MTMR8: variants seen among roughly 807,000 people sequenced by gnomAD.
MTMR8 encodes the protein myotubularin related protein 8, also known as phosphatidylinositol-3,5-bisphosphate 3-phosphatase MTMR8.
In MTMR8, 65 loss-of-function variants were observed where a neutral mutation model predicts 39.3. The observed-to-expected ratio is 1.65, with a 90% CI of 1.35 to 2.03. The LOEUF is 2.03. Among genes scored for constraint, MTMR8 ranks in the 30% most tolerant of loss-of-function variants. The pLI is 0.00. For missense variants in MTMR8, 777 were observed against 538.9 expected, an observed-to-expected ratio of 1.44 and a Z score of -4.37; for synonymous variants, 245 against 185.2, an observed-to-expected ratio of 1.32 and a Z score of -2.62.
chrX:64,384,191 G>T (rs1257149514), intron 1 of MTMR8, among the ~76,000 whole-genome samples: 1 of 111,914 alleles, frequency 8.9e-6, no homozygotes, highest in Non-Finnish European at 1.9e-5. Context: ...CCCACATCCA[G>T]GGCACACTGC....
chrX:64,338,928 G>A (rs1025192839), intron 8 of MTMR8, among the ~76,000 whole-genome samples: 2 of 111,803 alleles, frequency 1.8e-5, no homozygotes, highest in Non-Finnish European at 3.8e-5. Flanking sequence ...GGATGGTAGT[G>A]CCATTAGACT....
chrX:64,354,413 C>T (rs1321876444), intron 4 of MTMR8, among the ~76,000 whole-genome samples: 1 of 111,288 alleles, frequency 9.0e-6, no homozygotes, highest in Non-Finnish European at 1.9e-5. Flanking sequence ...AAAAATATCA[C>T]ATGTACCCTA....
At chrX:64,359,263 A>C in intron 2 of MTMR8, 142 bp downstream of exon 2, 1 of 547,195 alleles carries the variant, frequency 1.8e-6, no homozygotes, top group South Asian at 7.6e-5. Context: ...CAGACCATAA[A>C]AAGATTATTA....
At position 64,316,140 on chromosome X, in the gene MTMR8, C is replaced by T. The variant is rs971714053; in HGVS notation, c.1481+12632G>A. ...TGCTTCCACTGTCATACATTTGAGA[C>T]AATTCAAGAGGAGATGAAAAGTCTA... is the stretch of plus-strand genomic sequence containing the variant. On this transcript the variant is annotated intron_variant, in intron 12 of 13. Coordinates refer to ENST00000374852, the MANE Select transcript of MTMR8 (RefSeq NM_017677.4). 1.8e-5 allele frequency among the ~76,000 whole-genome samples: 2 copies of T among 111,802 alleles called. 1 individual carries two copies. The highest frequency in any genetic ancestry group is 3.8e-5 in the Non-Finnish European group (2 of 53,204).
rs779934277 is a variant in MTMR8 at position 64,270,981 on chromosome X, GCT to G, written c.1572_1573del (p.Arg524SerfsTer9). The G allele has an allele frequency of 2.5e-6, 3 of 1,209,944 alleles. No homozygotes were observed. Among genetic ancestry groups the G allele is most frequent in the Non-Finnish European group, 3.4e-6 (3 of 894,677 alleles). Reference sequence around the variant, plus strand: ...TTCATGCACATCTGTCTCCAGCATTGCTCTCTGTTTCTTAATTTCCAGGAGGC... The same window carrying G: ...TTCATGCACATCTGTCTCCAGCATTGCTCTGTTTCTTAATTTCCAGGAGGC... On this transcript the variant is annotated frameshift_variant, in exon 13 of 14. Coordinates refer to ENST00000374852, the MANE Select transcript of MTMR8 (RefSeq NM_017677.4). LOFTEE classifies it low-confidence loss of function (END_TRUNC).
In MTMR8 at chrX:64,328,781, TA is replaced by T; in HGVS notation, c.1471del (p.Tyr491ThrfsTer24). On this transcript the variant is annotated frameshift_variant, in exon 12 of 14. Transcript: ENST00000374852. LOFTEE classifies it high-confidence loss of function. ...YGVLNPSTVP[Y>X]NIQFWCGMYN... ...AAACTTAAGAACTTACTGAATGTTG[TA>T]GGGCACAGTACTAGGATTGAGTACC... is the stretch of plus-strand genomic sequence containing the variant. 1 of 1,164,009 alleles carries T rather than the reference TA, an allele frequency of 8.6e-7. No individual in the cohort carries two copies. The highest frequency in any genetic ancestry group is 1.1e-6 in the Non-Finnish European group (1 of 875,976).
chrX:64,345,985 C>A (rs764185160), intron 6 of MTMR8, among the ~76,000 whole-genome samples: 1 of 111,833 alleles, frequency 8.9e-6, no homozygotes, highest in South Asian at 3.7e-4. Context: ...CTTTTACTCA[C>A]TGACAAAATT....
chrX:64,328,943 GC>G (rs1422566840), intron 11 of MTMR8, 43 bp from the exon 12 acceptor site: 1 of 1,153,355 alleles, frequency 8.7e-7, no homozygotes, highest in Non-Finnish European at 1.2e-6. Context: ...AAAGCAGGAA[GC>G]AAGTAATCTC....
chrX:64,361,054 T>C (rs1344198307), intron 1 of MTMR8, among the ~76,000 whole-genome samples: 1 of 110,907 alleles, frequency 9.0e-6, no homozygotes, highest in African/African-American at 3.3e-5. Context: ...AGAGAAAAGA[T>C]GCAAATAAAC....
At chrX:64,278,874 A>G (rs780305177) in intron 12 of MTMR8, among the ~76,000 whole-genome samples, 54 of 111,156 alleles carry the variant, frequency 4.9e-4, no homozygotes, top group Non-Finnish European at 8.3e-4. Flanking sequence ...TCCAGACCCT[A>G]TTTGCCTGGT....
chrX:64,353,389 C>G (rs923310937), intron 4 of MTMR8, among the ~76,000 whole-genome samples: 4 of 111,742 alleles, frequency 3.6e-5, no homozygotes, highest in African/African-American at 1.3e-4. Flanking sequence ...GCCCAAGAAA[C>G]TCAATAGAAT....
intron 12 of MTMR8, among the ~76,000 whole-genome samples, chrX:64,303,948 A>G (rs189995939): frequency 6.6e-4 from 74 of 112,310 alleles, no homozygotes; most frequent in African/African-American, 2.3e-3. Context: ...AGCACATTTT[A>G]CTGTTTTATA....
At chrX:64,279,109 C>T (rs778423546) in intron 12 of MTMR8, among the ~76,000 whole-genome samples, 2 of 111,874 alleles carry the variant, frequency 1.8e-5, no homozygotes, top group East Asian at 5.7e-4. Context: ...GCTGGGAGAT[C>T]CACTGCTCTC....
At chrX:64,294,074 C>CT (rs1921487204) in intron 12 of MTMR8, among the ~76,000 whole-genome samples, 1 of 111,644 alleles carries the variant, frequency 9.0e-6, no homozygotes, top group Non-Finnish European at 1.9e-5. Context: ...ATTTAAATAA[C>CT]GTGTACTGAT....
chrX:64,370,729 T>C (rs1486689799), intron 1 of MTMR8, among the ~76,000 whole-genome samples: 1 of 111,889 alleles, frequency 8.9e-6, no homozygotes, highest in African/African-American at 3.3e-5. Context: ...GTGTAGTAGG[T>C]TTGTGTAAGT....
intron 12 of MTMR8, among the ~76,000 whole-genome samples, chrX:64,295,421 C>T (rs768464599): frequency 9.0e-6 from 1 of 111,311 alleles, no homozygotes; most frequent in African/African-American, 3.3e-5. Flanking sequence ...GCAATGATTT[C>T]CTCAACATGA....
chrX:64,284,384 A>G (rs1047141141), intron 12 of MTMR8, among the ~76,000 whole-genome samples: 8 of 112,365 alleles, frequency 7.1e-5, no homozygotes, highest in Non-Finnish European at 1.1e-4. Context: ...AATGGAACCA[A>G]GTTGGAAAAC....
intron 8 of MTMR8, among the ~76,000 whole-genome samples, chrX:64,341,392 T>C (rs1433519997): frequency 2.0e-5 from 2 of 99,718 alleles, no homozygotes; most frequent in Non-Finnish European, 3.9e-5. Context: ...GGCAGAAGAA[T>C]CCCTTGAATC....
Position 64,328,752 on chromosome X carries a change from G to A in MTMR8, c.1481+20C>T, listed in dbSNP as rs758052910. The A allele has an allele frequency of 4.7e-5, 54 of 1,140,930 alleles. No individual in the cohort carries two copies. Among genetic ancestry groups the A allele is most frequent in the Non-Finnish European group, 5.9e-5 (51 of 864,422 alleles). The allele number at this position is 1,140,930 out of a possible 1,213,427, so 94.0% of individuals were successfully genotyped here. On this transcript the variant is annotated intron_variant, in intron 12 of 13. Coordinates refer to ENST00000374852, the MANE Select transcript of MTMR8 (RefSeq NM_017677.4). Reference sequence around the variant, plus strand: ...CCTGGGACCTGCTATAAGAAAGGAGGGAAAAACTTAAGAACTTACTGAATG... The same window carrying A: ...CCTGGGACCTGCTATAAGAAAGGAGAGAAAAACTTAAGAACTTACTGAATG...
Sources: gnomAD v4.1 joint callset for allele counts (sites outside exome capture counted in the v4.1 genomes callset) on GRCh38, gnomAD v4.1.1 for gene constraint, MANE v1.5 for transcripts, NCBI Gene and HGNC (gene_info 2026-07-23, HGNC 2026-07-21) for gene names.